KTN1: variants seen among roughly 807,000 people sequenced by gnomAD.
The protein encoded by KTN1 is kinectin 1.
In KTN1, 130 loss-of-function variants were observed where a neutral mutation model predicts 222.5. That is an observed-to-expected ratio of 0.58 (90% CI 0.51 to 0.68). The LOEUF is 0.68. Among genes scored for constraint, KTN1 ranks in the 30% least tolerant of loss-of-function variants. The probability of loss-of-function intolerance (pLI) is 0.00; values close to 1 mark genes in which losing one functional copy is unlikely to be tolerated. For missense variants in KTN1, 1,508 were observed against 1,500.4 expected (o/e 1.01, Z -0.08); for synonymous variants, 512 against 496.3 (o/e 1.03, Z -0.42).
At chr14:55,636,296 A>G (rs1377262482) in intron 9 of KTN1, among the ~76,000 whole-genome samples, 153 bp from the exon 10 acceptor site, 5 of 152,198 alleles carry the variant, frequency 3.3e-5, no homozygotes, top group Non-Finnish European at 4.4e-5. Flanking sequence ...GACTGTGTGT[A>G]TCTGCTTGTC....
At chr14:55,614,744 C>A (rs1594851638) in intron 2 of KTN1, among the ~76,000 whole-genome samples, 1 of 152,132 alleles carries the variant, frequency 6.6e-6, no homozygotes, top group African/African-American at 2.4e-5. Flanking sequence ...ATAGTTGTAC[C>A]AGAGACCATA....
chr14:55,662,755 CT>C, intron 32 of KTN1: 1 of 354,506 alleles, frequency 2.8e-6, no homozygotes, highest in Non-Finnish European at 5.8e-6. Flanking sequence ...TCTTGTACCC[CT>C]GAGTTTGTCA....
intron 1 of KTN1, among the ~76,000 whole-genome samples, chr14:55,597,080 G>T (rs1182665415): frequency 6.6e-6 from 1 of 151,892 alleles, no homozygotes; most frequent in Admixed American, 6.6e-5. Context: ...AAAATCCAAA[G>T]GGAAGAACTC....
In KTN1 at chr14:55,643,826, CTTA is replaced by C. The variant is rs199751764; in HGVS notation, c.2172+2070_2172+2072del. ...TTATGAAAGTTAATATTATTGCTAT[CTTA>C]TTAAGTCAGCCTTTTATTATAATGT... On this transcript the variant is annotated intron_variant, in intron 18 of 43. Coordinates refer to ENST00000395314, the MANE Select transcript of KTN1 (RefSeq NM_001079521.2). Among the ~76,000 whole-genome samples, 491 of 152,216 alleles carry C rather than the reference CTTA, an allele frequency of 3.2e-3. 3 individuals are homozygous for C. The highest frequency in any genetic ancestry group is 7.8e-3 in the African/African-American group (326 of 41,548).
intron 1 of KTN1, among the ~76,000 whole-genome samples, chr14:55,591,236 T>A (rs1206118994): frequency 6.6e-6 from 1 of 152,204 alleles, no homozygotes; most frequent in East Asian, 1.9e-4. Context: ...TATTATCAGG[T>A]ATACTATTCC....
intron 41 of KTN1, among the ~76,000 whole-genome samples, chr14:55,676,644 G>A (rs117389078): frequency 1.3e-5 from 2 of 152,188 alleles, no homozygotes; most frequent in Non-Finnish European, 2.9e-5. Flanking sequence ...ATGAGAACAT[G>A]TATTTCCCTA....
chr14:55,649,703 T>C, intron 21 of KTN1, 73 bp from the exon 22 acceptor site: 2 of 865,470 alleles, frequency 2.3e-6, no homozygotes, highest in South Asian at 1.5e-5. Flanking sequence ...AATCTAAGGA[T>C]AATGTGCATT....
chr14:55,580,852 C>T (rs1007965382), intron 1 of KTN1, among the ~76,000 whole-genome samples: 3 of 152,162 alleles, frequency 2.0e-5, no homozygotes, highest in African/African-American at 2.4e-5. Context: ...TTACGCCATG[C>T]TGGAGTTCCA....
rs546207172 is a variant in KTN1 at position 55,593,913 on chromosome 14, C to T, written c.-31+13559C>T. 2.6e-5 allele frequency among the ~76,000 whole-genome samples: 4 copies of T among 152,180 alleles called. No individual in the cohort carries two copies. The South Asian group carries it at 8.3e-4, about 32-fold the overall frequency. ...TGACCCCTTGGTGTCAGGCGATGAA[C>T]CTTGTTCTGTTTTGTTGCTGTTACC... On this transcript the variant is annotated intron_variant, in intron 1 of 43. Coordinates refer to ENST00000395314, the MANE Select transcript of KTN1 (RefSeq NM_001079521.2).
chr14:55,671,069 T>G (rs2045401923), intron 35 of KTN1, among the ~76,000 whole-genome samples: 1 of 152,178 alleles, frequency 6.6e-6, no homozygotes, highest in African/African-American at 2.4e-5. Context: ...TATTTATCCC[T>G]TACTATCTTT....
At chr14:55,645,393 G>A (rs1310656878) in intron 18 of KTN1, among the ~76,000 whole-genome samples, 1 of 152,098 alleles carries the variant, frequency 6.6e-6, no homozygotes, top group Non-Finnish European at 1.5e-5. Flanking sequence ...GCAGCATGTG[G>A]GTAAGCCACT....
Position 55,617,816 on chromosome 14 carries a change from G to T in KTN1, c.662-148G>T, listed in dbSNP as rs190321326. ...TTCATTAGAATGAGTGTTTTGACTT[G>T]TTAAATGACGAAATAGGAATTTAAA... On this transcript the variant is annotated intron_variant, in intron 3 of 43. Transcript: ENST00000395314. The T allele has an allele frequency of 7.7e-5, 45 of 582,740 alleles. 1 individual carries two copies. The Admixed American group carries it at 1.0e-3, about 13-fold the overall frequency. 36.1% of individuals were successfully genotyped at this position (582,740 alleles called of 1,614,324 possible). A position where few individuals can be genotyped will look rare whatever the true frequency, so the allele number is the denominator to read the frequency against.
chr14:55,645,026 AT>A (rs1247894813), intron 18 of KTN1, among the ~76,000 whole-genome samples: 1 of 152,186 alleles, frequency 6.6e-6, no homozygotes, highest in Admixed American at 6.5e-5. Flanking sequence ...CCCTCCTAAT[AT>A]GGAGATAGAT....
intron 18 of KTN1, chr14:55,644,432 A>C (rs1026062510): frequency 1.3e-5 from 9 of 702,534 alleles, no homozygotes; most frequent in Admixed American, 8.0e-5. Context: ...GCAGAAAGAC[A>C]ACAGGTACCA....
intron 21 of KTN1, 131 bp from the exon 22 acceptor site, chr14:55,649,645 C>G (rs1161089222): frequency 1.7e-6 from 1 of 601,202 alleles, no homozygotes; most frequent in African/African-American, 2.0e-5. Context: ...AAAAAAGTCT[C>G]GAAAGAATGC....
chr14:55,637,215 G>C lies in KTN1; in HGVS notation c.1567G>C (p.Val523Leu). 6.2e-7 allele frequency: 1 copy of C among 1,602,252 alleles called. No individual in the cohort carries two copies. Among genetic ancestry groups the C allele is most frequent in the South Asian group, 1.1e-5 (1 of 88,628 alleles). Residue 523 changes from valine to leucine, a missense_variant, in exon 11 of 44, where the codon GTG becomes CTG. Val to Leu is a conservative substitution (Grantham distance 32). Transcript: ENST00000395314. ...AAQQDLQSKF[V>L]AKENEVQSLH... is the part of the protein sequence containing the mutation. ...TATTACAGATTTACAGAGTAAATTT[G>C]TGGCCAAAGAAAATGAAGTACAGAG...
rs766416947 is a variant in KTN1, at chr14:55,671,598, A to G, written c.3381A>G (p.Glu1127=). The G allele has an allele frequency of 6.3e-5, 101 of 1,612,674 alleles. No individual in the cohort carries two copies. Among genetic ancestry groups the G allele is most frequent in the Non-Finnish European group, 8.4e-5 (99 of 1,179,532 alleles). Residue 1127 remains glutamate, a synonymous_variant, in exon 36 of 44, where the codon GAA becomes GAG. Coordinates refer to ENST00000395314, the MANE Select transcript of KTN1 (RefSeq NM_001079521.2). ...VLEHKLKEAD[E]MHTLLQLECE... ...AGCACAAGTTGAAAGAAGCTGATGA[A>G]ATGCACACATTGTTACAGCTAGAGT...
At chr14:55,640,318 C>A in intron 14 of KTN1, 56 bp from the exon 15 acceptor site, 1 of 1,222,212 alleles carries the variant, frequency 8.2e-7, no homozygotes, top group Non-Finnish European at 1.2e-6. Context: ...AGATGCTTTA[C>A]AAACTTTAAA....
At position 55,679,704 on chromosome 14, in the gene KTN1, T is replaced by C. The variant is rs1306876332; in HGVS notation, c.4069+19T>C. 1.9e-6 allele frequency: 3 copies of C among 1,611,498 alleles called. No individual in the cohort carries two copies. Among genetic ancestry groups the C allele is most frequent in the African/African-American group, 2.7e-5 (2 of 74,866 alleles). ...GTGTTAGGTAAGGACAACTGAAATA[T>C]TGCTGTCTATGGGTAATTGATGTTA... On this transcript the variant is annotated intron_variant, in intron 43 of 43. Transcript: ENST00000395314.
Sources: gnomAD v4.1 joint callset for allele counts (sites outside exome capture counted in the v4.1 genomes callset) on GRCh38, gnomAD v4.1.1 for gene constraint, MANE v1.5 for transcripts, NCBI Gene and HGNC (gene_info 2026-07-23, HGNC 2026-07-21) for gene names.